RAD51B: variants seen among roughly 807,000 people sequenced by gnomAD.
The protein encoded by RAD51B is DNA repair protein RAD51 homolog 2.
In RAD51B, 38 loss-of-function variants were observed where a neutral mutation model predicts 42.2. The ratio of observed to expected loss-of-function variants is 0.90; its 90% CI spans 0.70 to 1.18. The LOEUF (loss-of-function observed/expected upper bound fraction) is 1.18, where lower values mean the gene tolerates loss of function less well. Among genes scored for constraint, RAD51B ranks in the 50% most tolerant of loss-of-function variants. The probability of loss-of-function intolerance (pLI) is 0.00; values close to 1 mark genes in which losing one functional copy is unlikely to be tolerated. For synonymous variants in RAD51B, 154 were observed against 145.2 expected, an observed-to-expected ratio of 1.06 and a Z score of -0.43; for missense variants, 373 against 400.7, an observed-to-expected ratio of 0.93 and a Z score of 0.59.
At chr14:68,016,043 C>A (rs1379118737) in intron 7 of RAD51B, among the ~76,000 whole-genome samples, 1 of 152,148 alleles carries the variant, frequency 6.6e-6, no homozygotes, top group African/African-American at 2.4e-5. Context: ...TTGTTCCTAT[C>A]TTGTCCATTT....
intron 7 of RAD51B, among the ~76,000 whole-genome samples, chr14:68,177,813 A>T (rs2078990020): frequency 6.6e-6 from 1 of 152,114 alleles, no homozygotes. Context: ...TTGTCTATTG[A>T]TCATTGAGCC....
At chr14:68,360,374 CT>C (rs1380222974) in intron 8 of RAD51B, among the ~76,000 whole-genome samples, 2 of 152,258 alleles carry the variant, frequency 1.3e-5, no homozygotes, top group African/African-American at 2.4e-5. Flanking sequence ...CTAGGCACAT[CT>C]TATCATCGTT....
chr14:68,208,496 G>A (rs933695387), intron 7 of RAD51B, among the ~76,000 whole-genome samples: 7 of 152,182 alleles, frequency 4.6e-5, no homozygotes, highest in African/African-American at 1.7e-4. Context: ...GATCATGTCC[G>A]TGTGACCTTC....
chr14:67,869,870 C>T (rs1257180800), intron 5 of RAD51B, among the ~76,000 whole-genome samples: 5 of 152,034 alleles, frequency 3.3e-5, no homozygotes, highest in African/African-American at 1.2e-4. Flanking sequence ...AAATACTTTA[C>T]AGACAAGCAA....
At chr14:67,899,893 G>A (rs2043551602) in intron 7 of RAD51B, among the ~76,000 whole-genome samples, 1 of 152,206 alleles carries the variant, frequency 6.6e-6, no homozygotes, top group African/African-American at 2.4e-5. Context: ...GTAAGTGGAA[G>A]GGCTTGAGTT....
intron 10 of RAD51B, among the ~76,000 whole-genome samples, chr14:68,514,904 C>G (rs1171093511): frequency 6.6e-6 from 1 of 152,132 alleles, no homozygotes; most frequent in Non-Finnish European, 1.5e-5. Flanking sequence ...GTGAAAGGCT[C>G]AAACACGACA....
At chr14:68,296,990 T>C (rs908849943) in intron 8 of RAD51B, among the ~76,000 whole-genome samples, 1 of 152,232 alleles carries the variant, frequency 6.6e-6, no homozygotes, top group South Asian at 2.1e-4. Context: ...AGGCTTTCTA[T>C]TCTGGTTGGA....
intron 7 of RAD51B, among the ~76,000 whole-genome samples, chr14:68,287,211 C>A (rs1425312714): frequency 1.3e-5 from 2 of 152,076 alleles, no homozygotes; most frequent in African/African-American, 4.8e-5. Context: ...TTTTAAAGAT[C>A]TTAATTTTTC....
At chr14:68,636,114 A>C (rs1050271058) in intron 10 of RAD51B, among the ~76,000 whole-genome samples, 4 of 152,222 alleles carry the variant, frequency 2.6e-5, no homozygotes, top group African/African-American at 7.2e-5. Context: ...ATTGTCACCA[A>C]ACATCCATGT....
chr14:68,356,642 CA>C (rs1230057896), intron 8 of RAD51B, among the ~76,000 whole-genome samples: 1 of 151,842 alleles, frequency 6.6e-6, no homozygotes, highest in African/African-American at 2.4e-5. Flanking sequence ...GCTGACTGTT[CA>C]GGGGGTGGTT....
At chr14:68,654,947 C>G (rs1884811) in intron 11 of RAD51B, among the ~76,000 whole-genome samples, 61,766 of 151,944 alleles carry the variant, frequency 0.41, 13,187 homozygotes, top group East Asian at 0.76. Context: ...TCCCTCCCCC[C>G]CTGCCTTCCC....
chr14:68,209,306 T>A (rs1015223933), intron 7 of RAD51B, among the ~76,000 whole-genome samples: 1 of 152,194 alleles, frequency 6.6e-6, no homozygotes, highest in Non-Finnish European at 1.5e-5. Flanking sequence ...CCATGCTAAG[T>A]ATCCTGAGGC....
At chr14:67,864,259 T>C (rs2139987551) in intron 4 of RAD51B, among the ~76,000 whole-genome samples, 1 of 152,318 alleles carries the variant, frequency 6.6e-6, no homozygotes, top group South Asian at 2.1e-4. Flanking sequence ...TGAATATGGA[T>C]ATAATTAATT....
intron 10 of RAD51B, among the ~76,000 whole-genome samples, chr14:68,570,736 T>C (rs1191816919): frequency 6.6e-6 from 1 of 152,164 alleles, no homozygotes; most frequent in African/African-American, 2.4e-5. Context: ...TCCAGGCCCT[T>C]CCCTCAAAGA....
At chr14:68,301,020 T>A (rs2081722252) in intron 8 of RAD51B, among the ~76,000 whole-genome samples, 1 of 152,202 alleles carries the variant, frequency 6.6e-6, no homozygotes, top group Admixed American at 6.5e-5. Context: ...TGTCTGAGTT[T>A]TGTGGGTTAA....
At chr14:68,562,623 T>A in intron 10 of RAD51B, 1 of 985,404 alleles carries the variant, frequency 1.0e-6, no homozygotes. Context: ...TAGTTCTCTG[T>A]TCTAATGATC....
intron 7 of RAD51B, among the ~76,000 whole-genome samples, chr14:68,030,426 C>A (rs2076023358): frequency 6.6e-6 from 1 of 152,200 alleles, no homozygotes; most frequent in Non-Finnish European, 1.5e-5. Flanking sequence ...CTTCACCTTG[C>A]ACTTCTATAA....
intron 10 of RAD51B, among the ~76,000 whole-genome samples, chr14:68,524,647 T>G (rs1594941378): frequency 6.6e-6 from 1 of 152,200 alleles, no homozygotes; most frequent in Non-Finnish European, 1.5e-5. Context: ...AAACTGTCCC[T>G]TGTAGTCGCT....
At chr14:68,003,224 TC>T (rs777376346) in intron 7 of RAD51B, among the ~76,000 whole-genome samples, 1 of 152,210 alleles carries the variant, frequency 6.6e-6, no homozygotes, top group Non-Finnish European at 1.5e-5. Flanking sequence ...TTTATAGTTC[TC>T]CTTGAAGAGG....
Sources: gnomAD v4.1 joint callset for allele counts (sites outside exome capture counted in the v4.1 genomes callset) on GRCh38, gnomAD v4.1.1 for gene constraint, MANE v1.5 for transcripts, NCBI Gene and HGNC (gene_info 2026-07-23, HGNC 2026-07-21) for gene names.